CDK12: variants seen among roughly 807,000 people sequenced by gnomAD.
CDK12 encodes cyclin-dependent kinase 12.
CDK12 carries 17 observed loss-of-function variants against 133.8 expected under a neutral mutation model. That is an observed-to-expected ratio of 0.13 (90% CI 0.09 to 0.19). The LOEUF (loss-of-function observed/expected upper bound fraction) is 0.19, where lower values mean the gene tolerates loss of function less well. Ranked by LOEUF, CDK12 falls within the 10% of genes least tolerant of loss-of-function variation. CDK12 has a pLI of 1.00. For missense variants in CDK12, 1,508 were observed against 1,818.7 expected, an observed-to-expected ratio of 0.83 and a Z score of 3.11; for synonymous variants, 694 against 683.6, an observed-to-expected ratio of 1.02 and a Z score of -0.24.
rs1277460269 is a variant in CDK12, at chr17:39,519,989, C to T, written c.2997C>T (p.His999=). 1 of 1,614,000 alleles carries T rather than the reference C, an allele frequency of 6.2e-7. No homozygotes were observed. Residue 999 remains histidine, a synonymous_variant, in exon 11 of 14, where the codon CAC becomes CAT. Transcript: ENST00000447079. ...CTGCAGCACTTGATTTATTGGACCACATGCTGACACTAGATCCTAGTAAGC... is the reference window on the plus strand; with the variant it reads ...CTGCAGCACTTGATTTATTGGACCATATGCTGACACTAGATCCTAGTAAGC... ...IPSAALDLLD[H]MLTLDPSKRC... is the part of the protein sequence containing the mutation.
intron 1 of CDK12, among the ~76,000 whole-genome samples, chr17:39,469,826 G>A (rs1480600781): frequency 1.3e-5 from 2 of 151,680 alleles, no homozygotes; most frequent in Admixed American, 1.3e-4. Flanking sequence ...TAGTAGAGAC[G>A]GGGTTTCTCC....
intron 2 of CDK12, among the ~76,000 whole-genome samples, chr17:39,480,063 A>G (rs949870399): frequency 6.6e-6 from 1 of 151,418 alleles, no homozygotes; most frequent in Non-Finnish European, 1.5e-5. Flanking sequence ...AGCTGGGATT[A>G]TAGGCCCCCG....
intron 1 of CDK12, among the ~76,000 whole-genome samples, chr17:39,540,130 G>A (rs563824050): frequency 5.3e-4 from 80 of 152,316 alleles, no homozygotes; most frequent in Non-Finnish European, 9.0e-4. Flanking sequence ...TTACAGTAGA[G>A]TAAGACAAGG....
At chr17:39,518,313 C>T (rs116205569) in intron 10 of CDK12, among the ~76,000 whole-genome samples, 1,629 of 151,792 alleles carry the variant, frequency 0.011, 27 homozygotes, top group African/African-American at 0.037. Flanking sequence ...ACCACAGGCA[C>T]CCGCCACCAC....
In CDK12 at chr17:39,532,929, CAT is replaced by C. The variant is rs1251722907; in HGVS notation, c.*1615_*1616del. ...TGCACAGACTTAGACCTTCAGGAAA[CAT>C]AGGTTAAGCCCCCTTTTACAAAGAA... On this transcript the variant is annotated 3_prime_UTR_variant, in exon 14 of 14. Transcript: ENST00000447079. 3.0e-5 allele frequency: 7 copies of C among 232,912 alleles called. No individual in the cohort carries two copies. Among genetic ancestry groups the C allele is most frequent in the Non-Finnish European group, 5.9e-5 (7 of 117,882 alleles). 14.4% of individuals were successfully genotyped at this position (232,912 alleles called of 1,614,324 possible).
intron 8 of CDK12, among the ~76,000 whole-genome samples, chr17:39,514,625 G>A (rs1163171182): frequency 6.6e-6 from 1 of 152,106 alleles, no homozygotes; most frequent in Non-Finnish European, 1.5e-5. Context: ...ACAGACATGA[G>A]CTGCCATGCT....
chr17:39,505,580 A>G (rs1012082871), intron 6 of CDK12, among the ~76,000 whole-genome samples: 1 of 151,912 alleles, frequency 6.6e-6, no homozygotes, highest in Non-Finnish European at 1.5e-5. Context: ...AAAGGAGCAT[A>G]TTTCTAGAAT....
intron 3 of CDK12, among the ~76,000 whole-genome samples, chr17:39,562,003 G>C (rs766151866): frequency 4.6e-5 from 7 of 152,072 alleles, no homozygotes; most frequent in Admixed American, 3.9e-4. Flanking sequence ...GCAGTGGCGC[G>C]ATCTCGGCTC....
intron 9 of CDK12, among the ~76,000 whole-genome samples, chr17:39,516,104 G>A (rs1421282396): frequency 6.6e-6 from 1 of 152,094 alleles, no homozygotes; most frequent in Non-Finnish European, 1.5e-5. Flanking sequence ...AATTTATTCA[G>A]CAAACATTTA....
At chr17:39,552,972 G>A (rs865979041) in intron 2 of CDK12, among the ~76,000 whole-genome samples, 5 of 152,078 alleles carry the variant, frequency 3.3e-5, no homozygotes, top group East Asian at 1.9e-4. Context: ...CAAGTGATCC[G>A]CCTGCCTCGG....
chr17:39,462,986 T>C lies in CDK12; in HGVS notation c.915T>C (p.Tyr305=), dbSNP rs755328289. 1.9e-6 allele frequency: 3 copies of C among 1,614,154 alleles called. No homozygotes were observed. The highest frequency in any genetic ancestry group is 2.5e-6 in the Non-Finnish European group (3 of 1,180,014). Residue 305 remains tyrosine (Y), a synonymous_variant, in exon 1 of 14, where the codon TAT becomes TAC. Transcript: ENST00000447079. The part of the protein sequence containing the change: ...YSRRQRSVSP[Y]SRRRSSSYER... ...GGCGACAGAGATCTGTCAGTCCCTA[T>C]AGCAGGAGACGGTCGTCCAGCTACG... is the stretch of plus-strand genomic sequence containing the variant.
chr17:39,476,911 G>A (rs1232052292), intron 2 of CDK12, among the ~76,000 whole-genome samples: 1 of 150,270 alleles, frequency 6.7e-6, no homozygotes, highest in South Asian at 2.1e-4. Flanking sequence ...TATTAGAGAT[G>A]GGGGTTTCAC....
At chr17:39,466,777 A>G (rs2049356033) in intron 1 of CDK12, among the ~76,000 whole-genome samples, 1 of 151,876 alleles carries the variant, frequency 6.6e-6, no homozygotes, top group African/African-American at 2.4e-5. Context: ...CCAGAGACAC[A>G]TGCACGCTTT....
chr17:39,476,881 C>T (rs1479861265), intron 2 of CDK12, among the ~76,000 whole-genome samples: 1 of 150,894 alleles, frequency 6.6e-6, no homozygotes, highest in Non-Finnish European at 1.5e-5. Flanking sequence ...ACCACCACGC[C>T]TGGCTAATTT....
At chr17:39,549,887 G>A, upstream of CDK12, 1 of 152,174 alleles carries the variant, frequency 6.6e-6, no homozygotes, top group Non-Finnish European at 1.5e-5. Flanking sequence ...CTAGGGCATG[G>A]TGCCACCCTC....
At chr17:39,530,052 T>A (rs1388440738) in intron 13 of CDK12, 1 of 152,356 alleles carries the variant, frequency 6.6e-6, no homozygotes, top group East Asian at 1.9e-4. Context: ...TTTTTATACA[T>A]GACAGTAATG....
chr17:39,495,701 A>T (rs367629342), intron 5 of CDK12, among the ~76,000 whole-genome samples: 1 of 150,544 alleles, frequency 6.6e-6, no homozygotes, highest in Non-Finnish European at 1.5e-5. Context: ...AGGCTGAGGC[A>T]GGAGAATGGT....
intron 10 of CDK12, among the ~76,000 whole-genome samples, chr17:39,519,336 C>T (rs1443126698): frequency 8.3e-6 from 1 of 120,878 alleles, no homozygotes; most frequent in East Asian, 2.7e-4. Context: ...GAGACCGTCT[C>T]ACTCTGTCAC....
chr17:39,544,756 G>T (rs1022188090), upstream of CDK12, among the ~76,000 whole-genome samples: 18 of 150,954 alleles, frequency 1.2e-4, no homozygotes, highest in Non-Finnish European at 7.4e-5. Context: ...TTAGCCTCCT[G>T]AGTAGCTGCG....
Sources: allele counts gnomAD v4.1 joint callset (sites outside exome capture counted in the v4.1 genomes callset), GRCh38; gene constraint gnomAD v4.1.1; transcripts MANE v1.5; gene names NCBI Gene and HGNC (gene_info 2026-07-23, HGNC 2026-07-21).